Variants in DYNC1LI2 observed in about 807,000 individuals in gnomAD.
DYNC1LI2 encodes dynein cytoplasmic 1 light intermediate chain 2.
In DYNC1LI2, 19 loss-of-function variants were observed where a neutral mutation model predicts 57.8. The ratio of observed to expected loss-of-function variants is 0.33; its 90% CI spans 0.23 to 0.48. DYNC1LI2 has a LOEUF of 0.48. Ranked by LOEUF, DYNC1LI2 falls within the 20% of genes least tolerant of loss-of-function variation. The pLI is 0.99. For synonymous variants in DYNC1LI2, 256 were observed against 233.4 expected, an observed-to-expected ratio of 1.10 and a Z score of -0.88; for missense variants, 470 against 604.2, an observed-to-expected ratio of 0.78 and a Z score of 2.33.
Position 66,723,825 on chromosome 16 carries a change from GAAAAAAAAA to G in DYNC1LI2, c.1379-12_1379-4del. On this transcript the variant is annotated splice_polypyrimidine_tract_variant and splice_region_variant and intron_variant, in intron 12 of 12. Transcript: ENST00000258198. ...ATTTGACAACACAGTCTTTTGTCCTGAAAAAAAAAAAAAGCAAAAAAGCAAAGTAATGAT... is the reference window on the plus strand; with the variant it reads ...ATTTGACAACACAGTCTTTTGTCCTGAAAAGCAAAAAAGCAAAGTAATGAT... 1 of 1,389,502 alleles carries G rather than the reference GAAAAAAAAA, an allele frequency of 7.2e-7. No homozygotes were observed. The highest frequency in any genetic ancestry group is 9.6e-7 in the Non-Finnish European group (1 of 1,036,468). The allele number at this position is 1,389,502 out of a possible 1,614,324, so 86.1% of individuals were successfully genotyped here.
chr16:66,732,735 C>T (rs1433844389), intron 6 of DYNC1LI2: 2 of 316,972 alleles, frequency 6.3e-6, no homozygotes, highest in East Asian at 1.0e-4. Context: ...TATGTTGATG[C>T]TAGTGGGCTG....
chr16:66,739,880 C>T (rs1187743425), intron 4 of DYNC1LI2, among the ~76,000 whole-genome samples: 1 of 152,226 alleles, frequency 6.6e-6, no homozygotes, highest in Non-Finnish European at 1.5e-5. Context: ...TTAACAATTT[C>T]TCTCCAGATG....
chr16:66,723,743 A>C lies in DYNC1LI2; in HGVS notation c.1458T>G (p.Ser486=), dbSNP rs200134239. The change falls in exon 13 of 13, where the codon TCT becomes TCG. Residue 486 remains serine (S), a synonymous_variant. Coordinates refer to ENST00000258198, the MANE Select transcript of DYNC1LI2 (RefSeq NM_006141.3). The part of the protein sequence containing the change: ...TRKPDSMVTN[S]STENEA The stretch of plus-strand genomic sequence containing the variant: ...AGGTTCAGGCTTCATTTTCTGTTGA[A>C]GAGTTTGTTACCATAGAGTCTGGCT... 30 of 1,606,236 alleles carry C rather than the reference A, an allele frequency of 1.9e-5. No homozygotes were observed. The Admixed American group carries it at 3.4e-4, about 18-fold the overall frequency.
chr16:66,749,779 AT>A (rs2018007737), intron 2 of DYNC1LI2, among the ~76,000 whole-genome samples: 1 of 152,254 alleles, frequency 6.6e-6, no homozygotes, highest in Non-Finnish European at 1.5e-5. Flanking sequence ...AATGGAAGTT[AT>A]TCACTTTTGA....
At chr16:66,732,555 T>C (rs2017657039) in intron 6 of DYNC1LI2, 81 bp from the exon 7 acceptor site, 11 of 1,459,728 alleles carry the variant, frequency 7.5e-6, no homozygotes, top group Non-Finnish European at 1.0e-5. Flanking sequence ...GTACTACTCA[T>C]AGGTTGATCA....
At chr16:66,724,067 G>A (rs11862377) in intron 12 of DYNC1LI2, among the ~76,000 whole-genome samples, 28,430 of 151,894 alleles carry the variant, frequency 0.19, 5,366 homozygotes, top group African/African-American at 0.49. Flanking sequence ...GCTCTCTGGC[G>A]GGGGGTGCCT....
intron 3 of DYNC1LI2, among the ~76,000 whole-genome samples, chr16:66,747,227 C>T (rs1044502457): frequency 9.2e-5 from 14 of 151,942 alleles, no homozygotes; most frequent in African/African-American, 2.4e-4. Flanking sequence ...TACAGGCGTG[C>T]GCCACCATGC....
Position 66,732,331 on chromosome 16 carries a change from T to C in DYNC1LI2, c.929+8A>G. The C allele has an allele frequency of 6.2e-7, 1 of 1,610,078 alleles. No individual in the cohort carries two copies. The highest frequency in any genetic ancestry group is 8.5e-7 in the Non-Finnish European group (1 of 1,179,022). On this transcript the variant is annotated splice_region_variant and intron_variant, in intron 7 of 12. Coordinates refer to ENST00000258198, the MANE Select transcript of DYNC1LI2 (RefSeq NM_006141.3). The stretch of plus-strand genomic sequence containing the variant: ...AGAGTTTCAAAGCATCAGCTCAAAA[T>C]AACTCACATAAAAACGGCATCCTTT...
chr16:66,734,306 A>G lies in DYNC1LI2; in HGVS notation c.705T>C (p.Asp235=). 3 of 1,614,094 alleles carry G rather than the reference A, an allele frequency of 1.9e-6. No homozygotes were observed. Among genetic ancestry groups the G allele is most frequent in the Non-Finnish European group, 1.7e-6 (2 of 1,179,982 alleles). Residue 235 remains aspartate, a synonymous_variant, in exon 6 of 13, where the codon GAT becomes GAC. Coordinates refer to ENST00000258198, the MANE Select transcript of DYNC1LI2 (RefSeq NM_006141.3). ...GCTCCTTCTCCAGGACACTCACCGCATCACACTGCAGGGAAGACAGACAGA... is the reference window on the plus strand; with the variant it reads ...GCTCCTTCTCCAGGACACTCACCGCGTCACACTGCAGGGAAGACAGACAGA... ...IPVLVVCTKC[D]AVSVLEKEHD... is the part of the protein sequence containing the mutation.
chr16:66,750,313 T>C (rs2018020330), intron 2 of DYNC1LI2, among the ~76,000 whole-genome samples: 1 of 152,162 alleles, frequency 6.6e-6, no homozygotes, highest in Admixed American at 6.6e-5. Flanking sequence ...AGGCAGTGAT[T>C]CCCATGGGAA....
At chr16:66,750,553 C>G (rs1661148995) in intron 2 of DYNC1LI2, among the ~76,000 whole-genome samples, 1 of 152,188 alleles carries the variant, frequency 6.6e-6, no homozygotes, top group Non-Finnish European at 1.5e-5. Flanking sequence ...TTCACCAGCT[C>G]TAAGCAGTGT....
intron 12 of DYNC1LI2, among the ~76,000 whole-genome samples, chr16:66,724,193 C>G (rs1487685547): frequency 2.0e-5 from 3 of 152,216 alleles, no homozygotes; most frequent in Admixed American, 2.0e-4. Flanking sequence ...ACGAAGGAAA[C>G]TATTTTCTTT....
chr16:66,746,382 G>A (rs1046038216), intron 3 of DYNC1LI2, among the ~76,000 whole-genome samples: 2 of 152,124 alleles, frequency 1.3e-5, no homozygotes, highest in African/African-American at 4.8e-5. Flanking sequence ...GTAACTGCTT[G>A]CAAAGTGTAT....
In DYNC1LI2 at chr16:66,742,579, C is replaced by G; in HGVS notation, c.388G>C (p.Glu130Gln). The change falls in exon 4 of 13, where the codon GAG (glutamate) becomes CAG (glutamine). Residue 130 changes from glutamate to glutamine, a missense_variant. Coordinates refer to ENST00000258198, the MANE Select transcript of DYNC1LI2 (RefSeq NM_006141.3). ...KFAVSAESLP[E>Q]TLVIFVADMS... ...TCTGCAACAAAAATGACGAGGGTCT[C>G]TGGCAAGGATTCAGCAGAAACTGCA... 1 of 1,614,224 alleles carries G rather than the reference C, an allele frequency of 6.2e-7. No individual in the cohort carries two copies. The highest frequency in any genetic ancestry group is 8.5e-7 in the Non-Finnish European group (1 of 1,180,046).
intron 9 of DYNC1LI2, 124 bp from the exon 10 acceptor site, chr16:66,728,366 T>TTATG: frequency 8.9e-7 from 1 of 1,123,036 alleles, no homozygotes; most frequent in Non-Finnish European, 1.3e-6. Context: ...GTCCTATGTT[T>TTATG]TATACCACAG....
chr16:66,738,484 T>C (rs2144992061), intron 4 of DYNC1LI2, among the ~76,000 whole-genome samples: 1 of 151,518 alleles, frequency 6.6e-6, no homozygotes, highest in South Asian at 2.1e-4. Context: ...ACTCCTGACC[T>C]TGTGATCCAC....
intron 7 of DYNC1LI2, chr16:66,731,712 T>C (rs2017640468): frequency 6.6e-6 from 1 of 152,286 alleles, no homozygotes; most frequent in African/African-American, 2.4e-5. Flanking sequence ...TGTAATTGTT[T>C]GTTAAGTCAG....
intron 8 of DYNC1LI2, among the ~76,000 whole-genome samples, 177 bp from the exon 9 acceptor site, chr16:66,729,276 G>A (rs1188844123): frequency 1.3e-5 from 2 of 152,166 alleles, no homozygotes; most frequent in East Asian, 1.9e-4. Context: ...AAAACCAGCC[G>A]CAGCATGTAG....
chr16:66,735,546 G>A lies in DYNC1LI2; in HGVS notation c.699+529C>T, dbSNP rs555536884. 4.6e-5 allele frequency among the ~76,000 whole-genome samples: 7 copies of A among 151,138 alleles called. No homozygotes were observed. In the East Asian group the frequency reaches 1.2e-3, roughly 25 times the overall value. On this transcript the variant is annotated intron_variant, in intron 5 of 12. Coordinates refer to ENST00000258198, the MANE Select transcript of DYNC1LI2 (RefSeq NM_006141.3). ...TTTTGAGACGGAGTCTCGCTCTATC[G>A]CTCAGGCTGGAGTGCAATGGCATGA...
Sources: gnomAD v4.1 joint callset for allele counts (sites outside exome capture counted in the v4.1 genomes callset) on GRCh38, gnomAD v4.1.1 for gene constraint, MANE v1.5 for transcripts, NCBI Gene and HGNC (gene_info 2026-07-23, HGNC 2026-07-21) for gene names.